TSNAXIP1: variants seen among roughly 807,000 people sequenced by gnomAD.
The protein encoded by TSNAXIP1 is translin-associated factor X-interacting protein 1.
A neutral mutation model predicts 84.8 loss-of-function variants in TSNAXIP1; 89 were observed. The observed-to-expected ratio is 1.05, with a 90% CI of 0.88 to 1.25. TSNAXIP1 has a LOEUF of 1.25. TSNAXIP1 is among the 50% of genes most tolerant of loss of function. TSNAXIP1 has a pLI of 0.00. For synonymous variants in TSNAXIP1, 347 were observed against 335.2 expected (o/e 1.04, Z -0.39); for missense variants, 874 against 887.6 (o/e 0.98, Z 0.20).
At position 67,824,718 on chromosome 16, in the gene TSNAXIP1, A is replaced by T. The variant is rs1407007639; in HGVS notation, c.617A>T (p.Lys206Met). The change falls in exon 6 of 16, where the codon AAG (lysine) becomes ATG (methionine). Residue 206 changes from lysine to methionine, a missense_variant. By Grantham distance (95) the Lys-to-Met change is moderately conservative. Coordinates refer to ENST00000561639, the MANE Select transcript of TSNAXIP1 (RefSeq NM_001288990.3). Reference protein sequence around the residue: ...KYEISLLKKEKMNLLKLIDKK... With the variant: ...KYEISLLKKEMMNLLKLIDKK... ...GAAATCTCCCTGCTCAAGAAAGAGA[A>T]GATGAACTTGCTAAAACTCATCGAC... 6.2e-7 allele frequency: 1 copy of T among 1,614,204 alleles called. No homozygotes were observed. Among genetic ancestry groups the T allele is most frequent in the Non-Finnish European group, 8.5e-7 (1 of 1,180,030 alleles).
intron 4 of TSNAXIP1, among the ~76,000 whole-genome samples, chr16:67,821,606 G>T (rs1398245956): frequency 1.3e-5 from 2 of 152,052 alleles, no homozygotes; most frequent in African/African-American, 4.8e-5. Context: ...CACCTACAAG[G>T]ACTGAGCACC....
At chr16:67,822,783 A>G (rs1179474531) in intron 4 of TSNAXIP1, among the ~76,000 whole-genome samples, 1 of 152,196 alleles carries the variant, frequency 6.6e-6, no homozygotes, top group Non-Finnish European at 1.5e-5. Flanking sequence ...TAAGGAAGAA[A>G]GCATACCACT....
intron 1 of TSNAXIP1, among the ~76,000 whole-genome samples, chr16:67,808,873 G>A (rs2055750130): frequency 6.6e-6 from 1 of 152,008 alleles, no homozygotes; most frequent in Middle Eastern, 3.2e-3. Context: ...CCCAGAAAGA[G>A]AATCCCCATT....
At chr16:67,819,770 C>G (rs2056883987) in intron 2 of TSNAXIP1, among the ~76,000 whole-genome samples, 1 of 151,058 alleles carries the variant, frequency 6.6e-6, no homozygotes, top group Non-Finnish European at 1.5e-5. Flanking sequence ...GCCTCAGCCT[C>G]CTGAGTAGCT....
chr16:67,820,741 C>CAA, intron 2 of TSNAXIP1, 98 bp from the exon 3 acceptor site: 218 of 746,958 alleles, frequency 2.9e-4, no homozygotes, highest in South Asian at 5.5e-4. Flanking sequence ...AAGACTGTCT[C>CAA]AAAAAAAAAA....
At chr16:67,827,192 G>C (rs1163420849) in intron 13 of TSNAXIP1, 57 bp from the exon 14 acceptor site, 18 of 1,610,932 alleles carry the variant, frequency 1.1e-5, no homozygotes, top group Non-Finnish European at 1.5e-5. Flanking sequence ...TGAGCACTAG[G>C]GAGAGGCACA....
chr16:67,827,581 TGA>T lies in TSNAXIP1; in HGVS notation c.1898+4_1898+5del. The T allele has an allele frequency of 6.2e-7, 1 of 1,614,080 alleles. No homozygotes were observed. The highest frequency in any genetic ancestry group is 8.5e-7 in the Non-Finnish European group (1 of 1,179,956). On this transcript the variant is annotated splice_donor_region_variant and intron_variant, in intron 15 of 15. Coordinates refer to ENST00000561639, the MANE Select transcript of TSNAXIP1 (RefSeq NM_001288990.3). ...AAAGCAGGAGCTTGGCATAGAACTG[TGA>T]GTGACCCTCATCCATAGGCGAGTCC...
intron 1 of TSNAXIP1, chr16:67,807,621 C>G (rs180759211): frequency 7.5e-6 from 2 of 268,374 alleles, no homozygotes; most frequent in East Asian, 1.2e-4. Context: ...TGCGCCACTA[C>G]GCTTGGCTAA....
intron 1 of TSNAXIP1, among the ~76,000 whole-genome samples, chr16:67,810,077 T>C (rs2055907955): frequency 6.6e-6 from 1 of 152,220 alleles, no homozygotes; most frequent in South Asian, 2.1e-4. Context: ...GTGGATGTCC[T>C]CATCCTTTCC....
At chr16:67,812,646 A>G (rs1444729174) in intron 1 of TSNAXIP1, among the ~76,000 whole-genome samples, 2 of 148,898 alleles carry the variant, frequency 1.3e-5, no homozygotes, top group Non-Finnish European at 3.0e-5. Context: ...AGCCTGGGCA[A>G]CAGAGTCAGA....
chr16:67,820,345 G>C (rs1376884725), intron 2 of TSNAXIP1, among the ~76,000 whole-genome samples: 1 of 152,212 alleles, frequency 6.6e-6, no homozygotes, highest in East Asian at 1.9e-4. Flanking sequence ...AAGGCTCAGA[G>C]AAGTTGTGAC....
At position 67,828,056 on chromosome 16, in the gene TSNAXIP1, T is replaced by C; in HGVS notation, c.*63T>C. The C allele has an allele frequency of 6.3e-7, 1 of 1,581,894 alleles. No individual in the cohort carries two copies. Among genetic ancestry groups the C allele is most frequent in the African/African-American group, 1.3e-5 (1 of 74,412 alleles). On this transcript the variant is annotated 3_prime_UTR_variant, in exon 16 of 16. Coordinates refer to ENST00000561639, the MANE Select transcript of TSNAXIP1 (RefSeq NM_001288990.3). Reference sequence around the variant, plus strand: ...CCCCTAGCTTTTAATATAAAAGTGTTTGTCTGAATCCATGCCATTCTCCAG... The same window carrying C: ...CCCCTAGCTTTTAATATAAAAGTGTCTGTCTGAATCCATGCCATTCTCCAG...
chr16:67,820,240 A>G (rs2056934316), intron 2 of TSNAXIP1, among the ~76,000 whole-genome samples: 2 of 152,018 alleles, frequency 1.3e-5, no homozygotes, highest in African/African-American at 4.8e-5. Flanking sequence ...TACAGGCGTG[A>G]GCCACCGCGC....
At position 67,824,789 on chromosome 16, in the gene TSNAXIP1, A is replaced by T; in HGVS notation, c.678+10A>T. ...TTCATTGCAGAGCGAGGTGAATGGAAGTGGTGTGATGATGACCAAGTCCCC... is the reference window on the plus strand; with the variant it reads ...TTCATTGCAGAGCGAGGTGAATGGATGTGGTGTGATGATGACCAAGTCCCC... On this transcript the variant is annotated intron_variant, in intron 6 of 15. Coordinates refer to ENST00000561639, the MANE Select transcript of TSNAXIP1 (RefSeq NM_001288990.3). 6.2e-7 allele frequency: 1 copy of T among 1,612,138 alleles called. No individual in the cohort carries two copies.
chr16:67,825,492 G>A (rs1402601796), intron 7 of TSNAXIP1, among the ~76,000 whole-genome samples, 175 bp from the exon 8 acceptor site: 1 of 152,184 alleles, frequency 6.6e-6, no homozygotes, highest in African/African-American at 2.4e-5. Flanking sequence ...GGCTCCCAGT[G>A]GGCTGGACAG....
chr16:67,818,315 G>A (rs957040609), intron 2 of TSNAXIP1, among the ~76,000 whole-genome samples: 4 of 152,202 alleles, frequency 2.6e-5, no homozygotes, highest in South Asian at 2.1e-4. Flanking sequence ...AGGAGTTTGA[G>A]ACCAGCCTGG....
chr16:67,817,869 G>C (rs958531175), intron 2 of TSNAXIP1, among the ~76,000 whole-genome samples: 1 of 151,306 alleles, frequency 6.6e-6, no homozygotes, highest in African/African-American at 2.4e-5. Flanking sequence ...CTGGGCAACA[G>C]AGTGAGGCTC....
At position 67,827,514 on chromosome 16, in the gene TSNAXIP1, G is replaced by A. The variant is rs1416580498; in HGVS notation, c.1833G>A (p.Trp611Ter). The A allele has an allele frequency of 6.2e-7, 1 of 1,614,190 alleles. No homozygotes were observed. Among genetic ancestry groups the A allele is most frequent in the Non-Finnish European group, 8.5e-7 (1 of 1,180,032 alleles). ...GQSEPFVQKL[W>*]EQYMDEKDEY... ...GTGAGCCCTTTGTGCAAAAACTCTG[G>A]GAACAATACATGGATGAGAAGGACG... Residue 611 changes from tryptophan (W) to a stop codon, truncating the protein, a stop_gained, in exon 15 of 16, where the codon TGG becomes TGA. Transcript: ENST00000561639. LOFTEE classifies it high-confidence loss of function.
At chr16:67,814,824 C>T (rs940212891) in intron 2 of TSNAXIP1, among the ~76,000 whole-genome samples, 8 of 152,092 alleles carry the variant, frequency 5.3e-5, no homozygotes, top group Non-Finnish European at 8.8e-5. Flanking sequence ...CTTTATGGCC[C>T]TAGAATCTAA....
Sources: gnomAD v4.1 joint callset for allele counts (sites outside exome capture counted in the v4.1 genomes callset) on GRCh38, gnomAD v4.1.1 for gene constraint, MANE v1.5 for transcripts, NCBI Gene and HGNC (gene_info 2026-07-23, HGNC 2026-07-21) for gene names.